The following SFXN1 variants were observed in gnomAD, a reference collection of about 807,000 sequenced individuals.
SFXN1 encodes the protein sideroflexin 1, also known as sideroflexin-1.
In SFXN1, 32 loss-of-function variants were observed where a neutral mutation model predicts 39.5. The ratio of observed to expected loss-of-function variants is 0.81; its 90% CI spans 0.61 to 1.09. The LOEUF is 1.09. SFXN1 is among the 50% of genes least tolerant of loss of function. SFXN1 has a pLI of 0.00. For missense variants in SFXN1, 402 were observed against 407.1 expected, an observed-to-expected ratio of 0.99 and a Z score of 0.11; for synonymous variants, 136 against 146.5, an observed-to-expected ratio of 0.93 and a Z score of 0.52.
At chr5:175,512,707 C>A (rs1186994031) in intron 6 of SFXN1, among the ~76,000 whole-genome samples, 1 of 152,088 alleles carries the variant, frequency 6.6e-6, no homozygotes, top group East Asian at 1.9e-4. Flanking sequence ...ACAGGGGTAA[C>A]GGTAGAAGTT....
intron 8 of SFXN1, among the ~76,000 whole-genome samples, chr5:175,517,360 A>C (rs1760742474): frequency 2.0e-5 from 3 of 151,314 alleles, no homozygotes; most frequent in African/African-American, 7.3e-5. Flanking sequence ...TGCCATGCCT[A>C]CTCTTCCCAC....
chr5:175,481,848 G>T (rs1251055582), intron 1 of SFXN1, among the ~76,000 whole-genome samples: 1 of 151,810 alleles, frequency 6.6e-6, no homozygotes, highest in African/African-American at 2.4e-5. Context: ...TCTATAATTC[G>T]ATCTCCTGTG....
chr5:175,512,286 G>T (rs2113339080), intron 6 of SFXN1, 90 bp downstream of exon 6: 2 of 1,107,454 alleles, frequency 1.8e-6, no homozygotes, highest in East Asian at 2.4e-5. Flanking sequence ...TCAAATGCTT[G>T]TTTTAATATG....
intron 1 of SFXN1, among the ~76,000 whole-genome samples, chr5:175,485,073 T>C (rs1301161331): frequency 2.0e-5 from 3 of 152,224 alleles, no homozygotes; most frequent in African/African-American, 7.2e-5. Flanking sequence ...TGAGATCAGC[T>C]GTTTTTGTGA....
Position 175,511,474 on chromosome 5 carries a change from C to G in SFXN1, c.458C>G (p.Ser153Cys), listed in dbSNP as rs754173774. The change falls in exon 5 of 11, where the codon TCT (serine) becomes TGT (cysteine). Residue 153 changes from serine (S) to cysteine (C), a missense_variant. Coordinates refer to ENST00000321442, the MANE Select transcript of SFXN1 (RefSeq NM_022754.7). The part of the protein sequence containing the change: ...TVNELGTAYV[S>C]ATTGAVATAL... ...AGTGAGTTGGGAACAGCTTACGTTTCTGCAACAACTGGTGCCGTAGCAACA... is the reference window on the plus strand; with the variant it reads ...AGTGAGTTGGGAACAGCTTACGTTTGTGCAACAACTGGTGCCGTAGCAACA... The G allele has an allele frequency of 2.5e-6, 4 of 1,614,180 alleles. No individual in the cohort carries two copies. The South Asian group carries it at 4.4e-5, about 18-fold the overall frequency.
intron 7 of SFXN1, among the ~76,000 whole-genome samples, chr5:175,513,951 G>T (rs1259202737): frequency 6.6e-6 from 1 of 151,978 alleles, no homozygotes; most frequent in Non-Finnish European, 1.5e-5. Context: ...AGTGGGAGGG[G>T]TGGGGAGCAG....
At position 175,528,344 on chromosome 5, in the gene SFXN1, T is replaced by G. The variant is rs529915416; in HGVS notation, c.*1610T>G. ...GTGTTATAAGCAATCTAGAGATGATTTAGCAAGTATACAGGAGGATGTGCC... is the reference window on the plus strand; with the variant it reads ...GTGTTATAAGCAATCTAGAGATGATGTAGCAAGTATACAGGAGGATGTGCC... On this transcript the variant is annotated 3_prime_UTR_variant, in exon 11 of 11. Coordinates refer to ENST00000321442, the MANE Select transcript of SFXN1 (RefSeq NM_022754.7). 1 of 152,308 alleles carries G rather than the reference T, an allele frequency of 6.6e-6. No homozygotes were observed. Among genetic ancestry groups the G allele is most frequent in the African/African-American group, 2.4e-5 (1 of 41,570 alleles). The allele number at this position is 152,308 out of a possible 1,614,324, so 9.4% of individuals were successfully genotyped here.
chr5:175,495,740 A>G (rs1362934694), intron 2 of SFXN1, among the ~76,000 whole-genome samples: 1 of 147,218 alleles, frequency 6.8e-6, no homozygotes, highest in Admixed American at 6.8e-5. Context: ...AAAAAAAAAA[A>G]GGGTTAAAAT....
At chr5:175,523,625 A>T (rs746701449) in intron 10 of SFXN1, 17 of 152,216 alleles carry the variant, frequency 1.1e-4, no homozygotes, top group Non-Finnish European at 2.4e-4. Flanking sequence ...GAAACTTTCT[A>T]CTTTGGCCTT....
rs953253628 is a variant in SFXN1, at chr5:175,528,081, C to G, written c.*1347C>G. 1.3e-5 allele frequency: 2 copies of G among 152,050 alleles called. No homozygotes were observed. Among genetic ancestry groups the G allele is most frequent in the African/African-American group, 2.4e-5 (1 of 41,394 alleles). 9.4% of individuals were successfully genotyped at this position (152,050 alleles called of 1,614,324 possible). On this transcript the variant is annotated 3_prime_UTR_variant, in exon 11 of 11. Coordinates refer to ENST00000321442, the MANE Select transcript of SFXN1 (RefSeq NM_022754.7). ...GACTACAGGCGCCCGCCACCACGCC[C>G]GGCTAATTTTTTTGTATTTTTAGTA...
chr5:175,487,556 A>G (rs1005180287), intron 1 of SFXN1, among the ~76,000 whole-genome samples: 1 of 152,068 alleles, frequency 6.6e-6, no homozygotes, highest in Non-Finnish European at 1.5e-5. Flanking sequence ...TCCCCAGCCC[A>G]CTTTGCTGTG....
intron 2 of SFXN1, among the ~76,000 whole-genome samples, chr5:175,499,230 G>A (rs1581282172): frequency 6.6e-6 from 1 of 151,460 alleles, no homozygotes; most frequent in Non-Finnish European, 1.5e-5. Context: ...ACTCCAGCCT[G>A]GGCAACAGAG....
intron 1 of SFXN1, among the ~76,000 whole-genome samples, chr5:175,484,843 G>C (rs991401805): frequency 1.3e-5 from 2 of 152,152 alleles, no homozygotes; most frequent in African/African-American, 4.8e-5. Context: ...TTACAGGTGC[G>C]CACCACCACG....
At chr5:175,514,676 C>T (rs1760654295) in intron 7 of SFXN1, among the ~76,000 whole-genome samples, 3 of 152,028 alleles carry the variant, frequency 2.0e-5, no homozygotes, top group Admixed American at 2.0e-4. Flanking sequence ...CATCAGCAGG[C>T]AAGGAAGAGC....
At chr5:175,490,883 G>A (rs1316994286) in intron 1 of SFXN1, among the ~76,000 whole-genome samples, 2 of 152,112 alleles carry the variant, frequency 1.3e-5, no homozygotes, top group African/African-American at 2.4e-5. Context: ...TATATAGTAT[G>A]ATATCAACTA....
chr5:175,484,994 C>T (rs184678005), intron 1 of SFXN1, among the ~76,000 whole-genome samples: 2 of 152,354 alleles, frequency 1.3e-5, no homozygotes, highest in East Asian at 1.9e-4. Flanking sequence ...GAAGTCAGTT[C>T]ATGCGTGAAA....
intron 1 of SFXN1, among the ~76,000 whole-genome samples, chr5:175,480,365 C>T (rs1759194763): frequency 6.6e-6 from 1 of 151,890 alleles, no homozygotes; most frequent in Admixed American, 6.6e-5. Flanking sequence ...CGCGCCACTG[C>T]ACTCCAGCCT....
At chr5:175,492,413 G>A in intron 2 of SFXN1, 146 bp downstream of exon 2, 1 of 713,742 alleles carries the variant, frequency 1.4e-6, no homozygotes, top group East Asian at 2.9e-5. Context: ...GAAGAAAAGA[G>A]TAAAAAGACC....
intron 10 of SFXN1, chr5:175,524,128 ATATATATATATATATATAT>A (rs1561678602): frequency 1.7e-3 from 31 of 18,420 alleles, no homozygotes; most frequent in African/African-American, 4.5e-3. Flanking sequence ...AAAAAAAAAT[ATATATATATATATATATAT>A]ATATATATAT....
Sources: allele counts gnomAD v4.1 joint callset (sites outside exome capture counted in the v4.1 genomes callset), GRCh38; gene constraint gnomAD v4.1.1; transcripts MANE v1.5; gene names NCBI Gene and HGNC (gene_info 2026-07-23, HGNC 2026-07-21).